Variants in TBC1D5 observed in about 807,000 individuals in gnomAD.
The protein encoded by TBC1D5 is TBC1 domain family member 5.
In TBC1D5, 75 loss-of-function variants were observed where a neutral mutation model predicts 100.3. The observed-to-expected ratio is 0.75, with a 90% CI of 0.62 to 0.91. The LOEUF is 0.91. Among genes scored for constraint, TBC1D5 ranks in the 40% least tolerant of loss-of-function variants. The pLI is 0.00. For synonymous variants in TBC1D5, 323 were observed against 325.6 expected (o/e 0.99, Z 0.09); for missense variants, 910 against 942.4 (o/e 0.97, Z 0.45).
At chr3:17,573,551 A>G (rs1443833814) in intron 2 of TBC1D5, among the ~76,000 whole-genome samples, 1 of 152,094 alleles carries the variant, frequency 6.6e-6, no homozygotes, top group Non-Finnish European at 1.5e-5. Flanking sequence ...AAGACTCTTC[A>G]AAAATCTATA....
chr3:17,532,401 G>A (rs2153386435), intron 2 of TBC1D5, among the ~76,000 whole-genome samples: 1 of 152,290 alleles, frequency 6.6e-6, no homozygotes, highest in Non-Finnish European at 1.5e-5. Flanking sequence ...CTGTAAACTA[G>A]TTCAACCATT....
chr3:17,503,181 CTCTAA>C (rs1220842745), intron 3 of TBC1D5, among the ~76,000 whole-genome samples: 1 of 149,642 alleles, frequency 6.7e-6, no homozygotes, highest in Non-Finnish European at 1.5e-5. Context: ...TACTTTTGAA[CTCTAA>C]TCTTAAATCA....
chr3:17,736,777 T>C (rs1203832272), intron 1 of TBC1D5, among the ~76,000 whole-genome samples: 2 of 152,136 alleles, frequency 1.3e-5, no homozygotes, highest in Admixed American at 6.6e-5. Context: ...TCCAGGAAGC[T>C]GGGGCGGGTG....
intron 4 of TBC1D5, among the ~76,000 whole-genome samples, chr3:17,415,917 T>C (rs568843677): frequency 2.0e-5 from 3 of 152,210 alleles, no homozygotes; most frequent in Non-Finnish European, 4.4e-5. Flanking sequence ...TCTAACATTC[T>C]ATAACATGAT....
At chr3:17,668,746 A>C (rs963599814) in intron 1 of TBC1D5, among the ~76,000 whole-genome samples, 1 of 152,108 alleles carries the variant, frequency 6.6e-6, no homozygotes, top group African/African-American at 2.4e-5. Context: ...ACCTCAAAAA[A>C]AAAATCACTA....
At chr3:17,167,661 G>A (rs56166267) in intron 20 of TBC1D5, 88 bp downstream of exon 21, 25 of 1,179,410 alleles carry the variant, frequency 2.1e-5, no homozygotes, top group Non-Finnish European at 3.0e-5. Context: ...GGGGATGCTG[G>A]CTCTAACATC....
chr3:17,476,604 G>T (rs910445432), intron 3 of TBC1D5, among the ~76,000 whole-genome samples: 1 of 151,608 alleles, frequency 6.6e-6, no homozygotes. Flanking sequence ...ATACTTGAAT[G>T]ACCTGCCAAG....
At chr3:17,718,393 C>A (rs568104802) in intron 1 of TBC1D5, among the ~76,000 whole-genome samples, 3 of 152,136 alleles carry the variant, frequency 2.0e-5, no homozygotes, top group South Asian at 4.1e-4. Context: ...GTCAGGAGAT[C>A]GAGACCATCC....
At chr3:17,475,374 C>T (rs1245302705) in intron 3 of TBC1D5, among the ~76,000 whole-genome samples, 3 of 151,920 alleles carry the variant, frequency 2.0e-5, no homozygotes, top group Non-Finnish European at 4.4e-5. Context: ...CCCCACTCAC[C>T]CCCTCCAAAT....
chr3:17,213,844 A>G (rs893155112), intron 18 of TBC1D5, among the ~76,000 whole-genome samples: 1 of 151,890 alleles, frequency 6.6e-6, no homozygotes, highest in African/African-American at 2.4e-5. Context: ...AATTTTCAAG[A>G]AATATTTAAA....
In TBC1D5 at chr3:17,739,147, T is replaced by TAC. The variant is rs34093976; in HGVS notation, c.-101+194_-101+195dup. Among the ~76,000 whole-genome samples the TAC allele has an allele frequency of 5.3e-3, 808 of 152,212 alleles. 12 individuals are homozygous for TAC. Among genetic ancestry groups the TAC allele is most frequent in the African/African-American group, 0.019 (776 of 41,528 alleles). ...CGACCTCACATTTCTCAAGTTCTGG[T>TAC]ACACACACTGTACACACTGCCATTC... On this transcript the variant is annotated intron_variant, in intron 1 of 21. Coordinates refer to ENST00000253692, the Ensembl canonical transcript of TBC1D5.
At chr3:17,331,179 T>C (rs1193562934) in intron 13 of TBC1D5, among the ~76,000 whole-genome samples, 1 of 152,194 alleles carries the variant, frequency 6.6e-6, no homozygotes, top group Non-Finnish European at 1.5e-5. Context: ...GTTTAAACTC[T>C]TAACCGAGAT....
In TBC1D5 at chr3:17,539,371, C is replaced by A. The variant is rs1288213365; in HGVS notation, c.-35-30766G>T. ...GAAAGACTCAGATAATTCTCTCCAG[C>A]ATCAGAGAAAAGACCTAGAAAGAGA... On this transcript the variant is annotated intron_variant, in intron 2 of 21. Transcript: ENST00000253692. 2.0e-5 allele frequency among the ~76,000 whole-genome samples: 3 copies of A among 152,230 alleles called. No individual in the cohort carries two copies. The East Asian group carries it at 5.8e-4, about 29-fold the overall frequency.
chr3:17,657,615 G>A (rs908942042), intron 1 of TBC1D5, among the ~76,000 whole-genome samples: 17 of 152,196 alleles, frequency 1.1e-4, no homozygotes, highest in African/African-American at 3.6e-4. Context: ...GATTACAGGC[G>A]TGAGCCACCA....
chr3:17,195,406 G>A (rs2070524139), intron 18 of TBC1D5, among the ~76,000 whole-genome samples: 1 of 152,214 alleles, frequency 6.6e-6, no homozygotes, highest in Admixed American at 6.5e-5. Context: ...AGGGCCTCCA[G>A]CTGAGTTTCT....
At chr3:17,734,197 T>A (rs2076786396) in intron 1 of TBC1D5, among the ~76,000 whole-genome samples, 1 of 152,228 alleles carries the variant, frequency 6.6e-6, no homozygotes, top group South Asian at 2.1e-4. Context: ...TTATAGTACA[T>A]TCATACAATG....
At chr3:17,668,102 T>C (rs151217341) in intron 1 of TBC1D5, among the ~76,000 whole-genome samples, 53 of 149,252 alleles carry the variant, frequency 3.6e-4, no homozygotes, top group Middle Eastern at 3.5e-3. Context: ...ACTAAATATA[T>C]ATATATTTTT....
chr3:17,594,597 T>G (rs561350024), intron 2 of TBC1D5, among the ~76,000 whole-genome samples: 3 of 152,364 alleles, frequency 2.0e-5, no homozygotes, highest in Non-Finnish European at 2.9e-5. Context: ...ATGTATACAC[T>G]TGTACTAAGA....
At chr3:17,226,330 A>G (rs2074902324) in intron 17 of TBC1D5, among the ~76,000 whole-genome samples, 1 of 145,624 alleles carries the variant, frequency 6.9e-6, no homozygotes. Context: ...TTTTTTTGAC[A>G]GAGAGGAACA....
Sources: allele counts gnomAD v4.1 joint callset (sites outside exome capture counted in the v4.1 genomes callset), GRCh38; gene constraint gnomAD v4.1.1; transcripts MANE v1.5; gene names NCBI Gene and HGNC (gene_info 2026-07-23, HGNC 2026-07-21).